Variants in SAXO1 observed in about 807,000 individuals in gnomAD.
SAXO1 encodes 4930500O09Rik.
In SAXO1, 21 loss-of-function variants were observed where a neutral mutation model predicts 17.5. That is an observed-to-expected ratio of 1.20 (90% confidence interval 0.85 to 1.72). The LOEUF (loss-of-function observed/expected upper bound fraction) is 1.72. Ranked by LOEUF, SAXO1 falls within the 40% of genes most tolerant of loss-of-function variation. The probability of loss-of-function intolerance (pLI) is 0.00; values close to 1 mark genes in which losing one functional copy is unlikely to be tolerated. For missense variants in SAXO1, 843 were observed against 596.0 expected (o/e 1.41, Z -4.32); for synonymous variants, 274 against 216.5 (o/e 1.27, Z -2.33).
intron 1 of SAXO1, among the ~76,000 whole-genome samples, chr9:19,016,957 A>T (rs1413009794): frequency 2.0e-5 from 3 of 152,016 alleles, no homozygotes; most frequent in Non-Finnish European, 4.4e-5. Context: ...TTCCTCTGTG[A>T]GGCCTGAGCA....
intron 3 of SAXO1, among the ~76,000 whole-genome samples, chr9:18,939,319 C>G (rs986674080): frequency 9.2e-5 from 14 of 152,210 alleles, no homozygotes; most frequent in African/African-American, 3.1e-4. Context: ...TACCCATGGT[C>G]ATACACCTGG....
chr9:18,933,995 G>A (rs529681397), intron 3 of SAXO1, among the ~76,000 whole-genome samples: 5 of 152,256 alleles, frequency 3.3e-5, no homozygotes, highest in East Asian at 3.9e-4. Context: ...GCAGTGAGCC[G>A]AGATTGCAGC....
At chr9:19,044,831 C>G (rs1014989184) in intron 1 of SAXO1, among the ~76,000 whole-genome samples, 30 of 151,772 alleles carry the variant, frequency 2.0e-4, no homozygotes, top group Non-Finnish European at 3.2e-4. Context: ...CCACTGCACT[C>G]CAGCCCGGGT....
intron 1 of SAXO1, among the ~76,000 whole-genome samples, chr9:18,981,948 G>C (rs755202947): frequency 5.3e-5 from 8 of 152,138 alleles, no homozygotes; most frequent in South Asian, 4.1e-4. Context: ...GGATGAGCCG[G>C]ACCCTGACAC....
At chr9:19,027,329 G>C (rs920688990) in intron 1 of SAXO1, 16 of 798,558 alleles carry the variant, frequency 2.0e-5, no homozygotes, top group African/African-American at 3.4e-5. Flanking sequence ...CAATCCTGGA[G>C]ACACTGCCCA....
intron 1 of SAXO1, among the ~76,000 whole-genome samples, chr9:18,951,381 G>T (rs1380483264): frequency 6.6e-6 from 1 of 152,184 alleles, no homozygotes; most frequent in Non-Finnish European, 1.5e-5. Flanking sequence ...AGTGTCTTTT[G>T]TAACTGGTTA....
intron 2 of SAXO1, among the ~76,000 whole-genome samples, chr9:18,946,408 G>T (rs1831799588): frequency 6.6e-6 from 1 of 151,560 alleles, no homozygotes; most frequent in African/African-American, 2.4e-5. Flanking sequence ...ACATAAACTG[G>T]GCCCAAATCT....
Position 19,023,616 on chromosome 9 carries a change from C to CT in SAXO1, c.38+9254dup, listed in dbSNP as rs1835342388. Among the ~76,000 whole-genome samples, 3 of 152,252 alleles carry CT rather than the reference C, an allele frequency of 2.0e-5. No homozygotes were observed. The South Asian group carries it at 6.2e-4, about 32-fold the overall frequency. ...TGCCACTTCTCGTAGTCAATCATCACTTAATCATGTGTTAAATCAAGTTAA... is the reference window on the plus strand; with the variant it reads ...TGCCACTTCTCGTAGTCAATCATCACTTTAATCATGTGTTAAATCAAGTTAA... On this transcript the variant is annotated intron_variant, in intron 1 of 3. Coordinates refer to ENST00000380534, the MANE Select transcript of SAXO1 (RefSeq NM_153707.4).
At chr9:18,981,334 C>T (rs929550238) in intron 1 of SAXO1, among the ~76,000 whole-genome samples, 1 of 152,196 alleles carries the variant, frequency 6.6e-6, no homozygotes, top group Non-Finnish European at 1.5e-5. Context: ...CTGGTCCACA[C>T]CAATTTCCAA....
At chr9:18,930,663 C>G (rs1319600840) in intron 3 of SAXO1, among the ~76,000 whole-genome samples, 2 of 152,186 alleles carry the variant, frequency 1.3e-5, no homozygotes, top group African/African-American at 4.8e-5. Context: ...CCGCACCCGG[C>G]TAATTTTGTA....
intron 1 of SAXO1, among the ~76,000 whole-genome samples, chr9:19,025,270 G>GT (rs972755957): frequency 4.0e-5 from 6 of 151,380 alleles, no homozygotes; most frequent in Non-Finnish European, 5.9e-5. Context: ...TGTTCTTTGT[G>GT]TTTTTTTTCC....
intron 3 of SAXO1, among the ~76,000 whole-genome samples, chr9:18,938,832 G>GTGTGTA (rs1831421101): frequency 1.3e-5 from 2 of 149,674 alleles, no homozygotes; most frequent in African/African-American, 4.9e-5. Flanking sequence ...GTGTGTGTGT[G>GTGTGTA]TGTGTGTGTG....
At chr9:18,980,111 G>A (rs909276149) in intron 1 of SAXO1, among the ~76,000 whole-genome samples, 9 of 152,276 alleles carry the variant, frequency 5.9e-5, no homozygotes, top group Non-Finnish European at 8.8e-5. Context: ...TTGCTCAAGT[G>A]TTTATTCTTC....
chr9:18,928,611 T>G lies in SAXO1; in HGVS notation c.866A>C (p.Lys289Thr), dbSNP rs374930739. ...GGGAGGGACGTAGGTGATGGGAGCTTTGGAGAACATCCGGGGCATTGGCCA... is the reference window on the plus strand; with the variant it reads ...GGGAGGGACGTAGGTGATGGGAGCTGTGGAGAACATCCGGGGCATTGGCCA... ...QAWPMPRMFS[K>T]APITYVPPED... is the part of the protein sequence containing the mutation. The change falls in exon 4 of 4, where the codon AAA (lysine) becomes ACA (threonine). Residue 289 changes from lysine to threonine, a missense_variant. Physicochemically the swap from Lys to Thr is moderately conservative, Grantham distance 78 (BLOSUM62 -1). Coordinates refer to ENST00000380534, the MANE Select transcript of SAXO1 (RefSeq NM_153707.4). 4.1e-5 allele frequency: 66 copies of G among 1,613,942 alleles called. No homozygotes were observed. The highest frequency in any genetic ancestry group is 5.1e-5 in the Non-Finnish European group (60 of 1,180,018).
At chr9:19,047,757 A>G (rs2131080590) in intron 1 of SAXO1, among the ~76,000 whole-genome samples, 1 of 152,366 alleles carries the variant, frequency 6.6e-6, no homozygotes, top group South Asian at 2.1e-4. Flanking sequence ...AAAAACAAAG[A>G]AATTTTCAGA....
At chr9:18,967,988 TG>T (rs1368496458) in intron 1 of SAXO1, among the ~76,000 whole-genome samples, 1 of 152,160 alleles carries the variant, frequency 6.6e-6, no homozygotes, top group African/African-American at 2.4e-5. Context: ...CAGCCTCCGA[TG>T]GCTAAGTGAG....
intron 1 of SAXO1, among the ~76,000 whole-genome samples, chr9:18,987,803 G>GA (rs1370141627): frequency 6.6e-6 from 1 of 151,438 alleles, no homozygotes; most frequent in East Asian, 1.9e-4. Flanking sequence ...AGGCTGAGGT[G>GA]AAAGGATTGC....
intron 3 of SAXO1, among the ~76,000 whole-genome samples, chr9:18,929,984 C>T (rs1830968060): frequency 6.6e-6 from 1 of 152,300 alleles, no homozygotes; most frequent in African/African-American, 2.4e-5. Flanking sequence ...ATGATTCTCT[C>T]CATTCTACAG....
At position 18,927,783 on chromosome 9, in the gene SAXO1, A is replaced by C; in HGVS notation, c.*269T>G. On this transcript the variant is annotated 3_prime_UTR_variant, in exon 4 of 4. Coordinates refer to ENST00000380534, the MANE Select transcript of SAXO1 (RefSeq NM_153707.4). ...GGATCAGAGAAACCCTCACAGACCA[A>C]CTTTGATTCCATAAGCACAAAGTAA... 5.4e-6 allele frequency: 2 copies of C among 369,374 alleles called. No individual in the cohort carries two copies. Among genetic ancestry groups the C allele is most frequent in the Non-Finnish European group, 9.7e-6 (2 of 206,496 alleles). The allele number at this position is 369,374 out of a possible 1,614,324, so 22.9% of individuals were successfully genotyped here.
Sources: allele counts gnomAD v4.1 joint callset (sites outside exome capture counted in the v4.1 genomes callset), GRCh38; gene constraint gnomAD v4.1.1; transcripts MANE v1.5; gene names NCBI Gene and HGNC (gene_info 2026-07-23, HGNC 2026-07-21).